Variants in HIBCH observed in about 807,000 individuals in gnomAD.
HIBCH encodes 3-hydroxyisobutyryl-CoA hydrolase, also known as 3-hydroxyisobutyryl-CoA hydrolase, mitochondrial.
Under a neutral mutation model 58.2 loss-of-function variants are expected in HIBCH, and 50 were observed. The observed-to-expected ratio is 0.86, with a 90% CI of 0.68 to 1.09. The LOEUF (loss-of-function observed/expected upper bound fraction) is 1.09. Among genes scored for constraint, HIBCH ranks in the 50% least tolerant of loss-of-function variants. The pLI, the probability that HIBCH is intolerant of heterozygous loss-of-function variation, is 0.00. For missense variants in HIBCH, 450 were observed against 449.7 expected, an observed-to-expected ratio of 1.00 and a Z score of -0.01; for synonymous variants, 151 against 146.9, an observed-to-expected ratio of 1.03 and a Z score of -0.20.
At chr2:190,252,092 T>C (rs1043988195) in intron 8 of HIBCH, 70 bp downstream of exon 8, 27 of 1,455,370 alleles carry the variant, frequency 1.9e-5, no homozygotes, top group South Asian at 2.3e-5. Context: ...CAACCACCCA[T>C]TGTACCTTCC....
chr2:190,287,058 G>GTGTGTGTGTGTATA (rs10662510), intron 6 of HIBCH, among the ~76,000 whole-genome samples: 41 of 147,790 alleles, frequency 2.8e-4, no homozygotes, highest in African/African-American at 7.4e-4. Context: ...GTGTGTGTGT[G>GTGTGTGTGTGTATA]TATACATATA....
rs1184053201 is a variant in HIBCH, at chr2:190,214,818, G to C, written c.892-1743C>G. 2.0e-5 allele frequency: 3 copies of C among 151,794 alleles called. No homozygotes were observed. The highest frequency in any genetic ancestry group is 7.3e-5 in the African/African-American group (3 of 41,174). 9.4% of individuals were successfully genotyped at this position (151,794 alleles called of 1,614,324 possible). A position where few individuals can be genotyped will look rare whatever the true frequency, so the allele number is the denominator to read the frequency against. On this transcript the variant is annotated intron_variant, in intron 11 of 13. Transcript: ENST00000359678. This position sits in a 1 kb window ranked among gnomAD's most constrained non-coding sequence, Gnocchi z 5.5. ...GAGGACAGGGAGATCGGGGGCAAGAGGAAGGTCGAGGAAAGAGGAATCTGG... is the reference window on the plus strand; with the variant it reads ...GAGGACAGGGAGATCGGGGGCAAGACGAAGGTCGAGGAAAGAGGAATCTGG...
At chr2:190,307,203 T>G (rs1426159520) in intron 2 of HIBCH, among the ~76,000 whole-genome samples, 1 of 152,144 alleles carries the variant, frequency 6.6e-6, no homozygotes, top group South Asian at 2.1e-4. Flanking sequence ...AATAAGAACA[T>G]GTGTACTGTC....
At chr2:190,307,156 G>C (rs1169729362) in intron 2 of HIBCH, among the ~76,000 whole-genome samples, 1 of 152,142 alleles carries the variant, frequency 6.6e-6, no homozygotes, top group Non-Finnish European at 1.5e-5. Context: ...GGATTAAAAG[G>C]ACTATTAATA....
At chr2:190,286,336 A>G (rs1267724213) in intron 6 of HIBCH, among the ~76,000 whole-genome samples, 1 of 152,208 alleles carries the variant, frequency 6.6e-6, no homozygotes, top group Non-Finnish European at 1.5e-5. Flanking sequence ...ACTTACACAC[A>G]AAAACAGTTT....
intron 11 of HIBCH, among the ~76,000 whole-genome samples, chr2:190,225,552 C>A (rs749419255): frequency 3.3e-5 from 5 of 152,260 alleles, no homozygotes; most frequent in Admixed American, 1.3e-4. Context: ...CACATATACC[C>A]TCCCAAGACT....
At chr2:190,195,941 CTTTTTTT>C (rs35679833) in intron 1 of HIBCH, among the ~76,000 whole-genome samples, 5 of 86,210 alleles carry the variant, frequency 5.8e-5, no homozygotes, top group Non-Finnish European at 1.2e-4. Context: ...CTGTGTCCAG[CTTTTTTT>C]TTTTTTTTTT....
chr2:190,270,062 T>A lies in HIBCH; in HGVS notation c.439-8828A>T, dbSNP rs183679271. On this transcript the variant is annotated intron_variant, in intron 6 of 13. Transcript: ENST00000359678. Reference sequence around the variant, plus strand: ...GAGGGGAACATCACACACCGGGGCCTGTCGGGAGGTGAGGAGCAAGGGGAG... The same window carrying A: ...GAGGGGAACATCACACACCGGGGCCAGTCGGGAGGTGAGGAGCAAGGGGAG... Among the ~76,000 whole-genome samples the A allele has an allele frequency of 3.3e-5, 5 of 152,156 alleles. No homozygotes were observed. The East Asian group carries it at 9.7e-4, about 29-fold the overall frequency.
chr2:190,311,947 G>A (rs943634320), intron 1 of HIBCH, among the ~76,000 whole-genome samples: 3 of 152,218 alleles, frequency 2.0e-5, no homozygotes, highest in African/African-American at 7.2e-5. Flanking sequence ...AGAATGGTGA[G>A]GGTGGGGGCA....
In HIBCH at chr2:190,204,955, G is replaced by C. The variant is rs940167120; in HGVS notation, c.*162C>G. ...ATTTGTGAATTCTGATAATTTTCACGTCATGAATTATTAGTCTTTGATTTC... is the reference window on the plus strand; with the variant it reads ...ATTTGTGAATTCTGATAATTTTCACCTCATGAATTATTAGTCTTTGATTTC... On this transcript the variant is annotated 3_prime_UTR_variant, in exon 14 of 14. Transcript: ENST00000359678. 5 of 636,182 alleles carry C rather than the reference G, an allele frequency of 7.9e-6. No individual in the cohort carries two copies. The African/African-American group carries it at 9.2e-5, about 12-fold the overall frequency. 39.4% of individuals were successfully genotyped at this position (636,182 alleles called of 1,614,324 possible). A position where few individuals can be genotyped will look rare whatever the true frequency, so the allele number is the denominator to read the frequency against.
Position 190,206,527 on chromosome 2 carries a change from G to A in HIBCH, c.1046-1295C>T, listed in dbSNP as rs1368819299. On this transcript the variant is annotated intron_variant, in intron 13 of 13. Coordinates refer to ENST00000359678, the MANE Select transcript of HIBCH (RefSeq NM_014362.4). The surrounding 1 kb of genome is among the most constrained non-coding windows in gnomAD (Gnocchi z 5.1). The stretch of plus-strand genomic sequence containing the variant: ...TAGAATACATACAAGTTCGTGCCAT[G>A]TAGGCAGCTCAGGTTTTGCAAGTCT... Among the ~76,000 whole-genome samples, 2 of 152,196 alleles carry A rather than the reference G, an allele frequency of 1.3e-5. No individual in the cohort carries two copies. The highest frequency in any genetic ancestry group is 2.4e-5 in the African/African-American group (1 of 41,446).
chr2:190,302,545 T>G (rs1229137826), intron 2 of HIBCH, among the ~76,000 whole-genome samples: 1 of 152,102 alleles, frequency 6.6e-6, no homozygotes, highest in Non-Finnish European at 1.5e-5. Flanking sequence ...GTGTCAAAAC[T>G]GCAAAAAGAA....
At chr2:190,192,967 T>A (rs1287075479) in intron 1 of HIBCH, among the ~76,000 whole-genome samples, 1 of 152,104 alleles carries the variant, frequency 6.6e-6, no homozygotes, top group African/African-American at 2.4e-5. Context: ...AATGGCAGTT[T>A]TCTCCTTCTC....
chr2:190,208,126 G>T (rs923253592), intron 13 of HIBCH, among the ~76,000 whole-genome samples: 7 of 152,184 alleles, frequency 4.6e-5, no homozygotes, highest in Non-Finnish European at 1.0e-4. Context: ...TAAATATGCT[G>T]ACATTGGAGA....
rs544051928 is a variant in HIBCH, at chr2:190,206,355, C to T, written c.1046-1123G>A. On this transcript the variant is annotated intron_variant, in intron 13 of 13. Coordinates refer to ENST00000359678, the MANE Select transcript of HIBCH (RefSeq NM_014362.4). This position sits in a 1 kb window ranked among gnomAD's most constrained non-coding sequence, Gnocchi z 5.1. ...CGTGGACAGTGTAAACAAAGAACAA[C>T]CCCGGCACATTTTTTCCACAAGAAT... 1.1e-4 allele frequency among the ~76,000 whole-genome samples: 16 copies of T among 152,332 alleles called. No homozygotes were observed. Among genetic ancestry groups the T allele is most frequent in the African/African-American group, 3.4e-4 (14 of 41,576 alleles).
chr2:190,223,709 AT>A (rs1685800526), intron 11 of HIBCH, among the ~76,000 whole-genome samples: 1 of 152,260 alleles, frequency 6.6e-6, no homozygotes, highest in South Asian at 2.1e-4. Context: ...AGTGAGGAAC[AT>A]GTTAGAGAAA....
intron 6 of HIBCH, among the ~76,000 whole-genome samples, chr2:190,265,993 T>C (rs1687224504): frequency 6.6e-6 from 1 of 152,174 alleles, no homozygotes; most frequent in East Asian, 1.9e-4. Flanking sequence ...TTTAAATCTT[T>C]TTTTTTTTGT....
At chr2:190,249,434 T>C (rs975665238) in intron 9 of HIBCH, among the ~76,000 whole-genome samples, 33 of 152,238 alleles carry the variant, frequency 2.2e-4, no homozygotes, top group African/African-American at 8.0e-4. Flanking sequence ...AAGACAGCTA[T>C]GCAGCTGCAC....
At chr2:190,297,276 A>G (rs1446858505) in intron 2 of HIBCH, among the ~76,000 whole-genome samples, 3 of 152,364 alleles carry the variant, frequency 2.0e-5, no homozygotes, top group African/African-American at 7.2e-5. Context: ...GTTCTATGTT[A>G]CATACTGAGA....
Sources: gnomAD v4.1 joint callset for allele counts (sites outside exome capture counted in the v4.1 genomes callset) on GRCh38, gnomAD v4.1.1 for gene constraint, Gnocchi (gnomAD v3.1) non-coding constraint, MANE v1.5 for transcripts, NCBI Gene and HGNC (gene_info 2026-07-23, HGNC 2026-07-21) for gene names.